The following CCDC30 variants were observed in gnomAD, a reference collection of about 807,000 sequenced individuals.
CCDC30 encodes coiled-coil domain-containing protein 30.
In CCDC30, 70 loss-of-function variants were observed where a neutral mutation model predicts 100.2. That is an observed-to-expected ratio of 0.70 (90% CI 0.58 to 0.85). The LOEUF is 0.85. CCDC30 is among the 40% of genes least tolerant of loss of function. The probability of loss-of-function intolerance (pLI) is 0.00; values close to 1 mark genes in which losing one functional copy is unlikely to be tolerated. For missense variants in CCDC30, 652 were observed against 771.2 expected (o/e 0.85, Z 1.83); for synonymous variants, 233 against 269.5 (o/e 0.86, Z 1.33).
At chr1:42,559,675 A>G (rs550152378) in intron 6 of CCDC30, among the ~76,000 whole-genome samples, 2 of 152,260 alleles carry the variant, frequency 1.3e-5, no homozygotes, top group East Asian at 3.9e-4. Context: ...AGAGACTTAG[A>G]CTCCCACACA....
intron 11 of CCDC30, among the ~76,000 whole-genome samples, chr1:42,622,790 C>G (rs1429165919): frequency 6.6e-6 from 1 of 152,138 alleles, no homozygotes; most frequent in Non-Finnish European, 1.5e-5. Context: ...ATTTTTAGTT[C>G]TTTGAGGGAC....
At chr1:42,538,589 T>C (rs1644954041) in intron 6 of CCDC30, among the ~76,000 whole-genome samples, 1 of 152,066 alleles carries the variant, frequency 6.6e-6, no homozygotes, top group Admixed American at 6.5e-5. Context: ...CTGGGCAACA[T>C]AGCGAGACCG....
At chr1:42,470,469 C>A (rs1221115447) in intron 1 of CCDC30, among the ~76,000 whole-genome samples, 1 of 152,072 alleles carries the variant, frequency 6.6e-6, no homozygotes, top group African/African-American at 2.4e-5. Context: ...TACGTATATA[C>A]CCCAAAGAAT....
At chr1:42,468,517 C>A (rs1014754274) in intron 1 of CCDC30, 5 of 152,194 alleles carry the variant, frequency 3.3e-5, no homozygotes, top group African/African-American at 9.6e-5. Flanking sequence ...GGAAGTCAGT[C>A]TTGTGATCAG....
intron 1 of CCDC30, among the ~76,000 whole-genome samples, chr1:42,475,516 T>G (rs760892040): frequency 6.6e-6 from 1 of 152,186 alleles, no homozygotes; most frequent in Non-Finnish European, 1.5e-5. Context: ...CATGTCATTT[T>G]AAAACTTCTT....
intron 7 of CCDC30, among the ~76,000 whole-genome samples, chr1:42,574,510 T>C (rs1486115679): frequency 2.0e-5 from 3 of 152,168 alleles, no homozygotes; most frequent in Non-Finnish European, 4.4e-5. Context: ...TACCTTTGCC[T>C]TGTTGCTTTT....
At chr1:42,515,094 C>A (rs974580134) in intron 6 of CCDC30, among the ~76,000 whole-genome samples, 1 of 151,810 alleles carries the variant, frequency 6.6e-6, no homozygotes, top group Non-Finnish European at 1.5e-5. Context: ...GGGCCTTAAT[C>A]CAATATGACT....
intron 11 of CCDC30, among the ~76,000 whole-genome samples, chr1:42,621,985 AT>A (rs1454253744): frequency 1.3e-5 from 2 of 152,174 alleles, no homozygotes; most frequent in Non-Finnish European, 2.9e-5. Flanking sequence ...ATCTAAAAAA[AT>A]GTACAATTAT....
chr1:42,611,745 C>G (rs1557450709), intron 11 of CCDC30, among the ~76,000 whole-genome samples: 1 of 152,056 alleles, frequency 6.6e-6, no homozygotes, highest in Non-Finnish European at 1.5e-5. Flanking sequence ...GTCACGATCA[C>G]AACTCACTGC....
chr1:42,530,141 ACT>A (rs1372554491), intron 6 of CCDC30, among the ~76,000 whole-genome samples: 1 of 152,110 alleles, frequency 6.6e-6, no homozygotes, highest in African/African-American at 2.4e-5. Context: ...AAAGCAGATG[ACT>A]CTACTTTTCA....
At chr1:42,575,649 C>A (rs200510019) in intron 7 of CCDC30, among the ~76,000 whole-genome samples, 553 of 76,872 alleles carry the variant, frequency 7.2e-3, no homozygotes, top group Non-Finnish European at 8.3e-3. Context: ...GACCCTGTCT[C>A]AAAAAAAAAG....
intron 4 of CCDC30, among the ~76,000 whole-genome samples, chr1:42,493,505 C>G (rs948730745): frequency 6.6e-6 from 1 of 151,958 alleles, no homozygotes; most frequent in African/African-American, 2.4e-5. Context: ...AGTAGAATCT[C>G]GAACCTGGGA....
intron 6 of CCDC30, among the ~76,000 whole-genome samples, chr1:42,541,683 CTA>C (rs1645014836): frequency 6.6e-6 from 1 of 152,218 alleles, no homozygotes; most frequent in Non-Finnish European, 1.5e-5. Context: ...TACTTTGAGA[CTA>C]TGTGTTATGT....
rs571598784 is a variant in CCDC30, at chr1:42,641,570, A to G, written c.1420-903A>G. Among the ~76,000 whole-genome samples the G allele has an allele frequency of 4.0e-5, 6 of 151,862 alleles. No homozygotes were observed. The East Asian group carries it at 5.8e-4, about 15-fold the overall frequency. On this transcript the variant is annotated intron_variant, in intron 12 of 16. Transcript: ENST00000668663. Reference sequence around the variant, plus strand: ...TGTCTAAAAAAACAAAAAAACAAAAAAAAACAAAAAAAACAGCTGGACGCA... The same window carrying G: ...TGTCTAAAAAAACAAAAAAACAAAAGAAAACAAAAAAAACAGCTGGACGCA...
chr1:42,648,697 T>C (rs1045615949), intron 15 of CCDC30, among the ~76,000 whole-genome samples: 4 of 151,240 alleles, frequency 2.6e-5, no homozygotes, highest in African/African-American at 7.3e-5. Flanking sequence ...CAAAAAAGAT[T>C]AGAGCAGAAA....
At chr1:42,593,918 A>G (rs1480153168) in intron 10 of CCDC30, 1 of 152,140 alleles carries the variant, frequency 6.6e-6, no homozygotes, top group Non-Finnish European at 1.5e-5. Context: ...CAGGCTTCCA[A>G]GCTCATGGCC....
intron 6 of CCDC30, among the ~76,000 whole-genome samples, chr1:42,553,649 C>CCACACACA (rs546075264): frequency 4.0e-5 from 2 of 49,936 alleles, no homozygotes; most frequent in Non-Finnish European, 8.8e-5. Flanking sequence ...AGGTGAGATT[C>CCACACACA]CATACACACA....
At chr1:42,513,428 T>TA (rs1370781653) in intron 6 of CCDC30, among the ~76,000 whole-genome samples, 1 of 152,154 alleles carries the variant, frequency 6.6e-6, no homozygotes, top group Non-Finnish European at 1.5e-5. Flanking sequence ...ATGGGTTTTC[T>TA]ACTTGGCCAG....
At chr1:42,456,211 G>A in the CCDC30 span, 3 of 609,182 alleles carry the variant, frequency 4.9e-6, no homozygotes, top group African/African-American at 1.8e-5. Flanking sequence ...AGTCCCACGG[G>A]TCAAATGGCC....
Sources: gnomAD v4.1 joint callset for allele counts (sites outside exome capture counted in the v4.1 genomes callset) on GRCh38, gnomAD v4.1.1 for gene constraint, MANE v1.5 for transcripts, NCBI Gene and HGNC (gene_info 2026-07-23, HGNC 2026-07-21) for gene names.